Variants in CLSTN1 observed in about 807,000 individuals in gnomAD.
The protein encoded by CLSTN1 is calsyntenin 1.
CLSTN1 carries 28 observed loss-of-function variants against 108.3 expected under a neutral mutation model. That is an observed-to-expected ratio of 0.26 (90% confidence interval 0.19 to 0.35). The LOEUF (loss-of-function observed/expected upper bound fraction) is 0.35. Among genes scored for constraint, CLSTN1 ranks in the 10% least tolerant of loss-of-function variants. The pLI is 1.00. For synonymous variants in CLSTN1, 524 were observed against 534.9 expected (o/e 0.98, Z 0.28); for missense variants, 1,157 against 1,302.6 (o/e 0.89, Z 1.72).
chr1:9,793,595 A>C (rs1409410403), intron 1 of CLSTN1, among the ~76,000 whole-genome samples: 1 of 151,516 alleles, frequency 6.6e-6, no homozygotes, highest in Admixed American at 6.7e-5. Context: ...CTTTCTTGTA[A>C]GCAAAGAAGG....
At chr1:9,767,191 G>A (rs1248925967) in intron 2 of CLSTN1, among the ~76,000 whole-genome samples, 1 of 152,210 alleles carries the variant, frequency 6.6e-6, no homozygotes, top group Non-Finnish European at 1.5e-5. Context: ...TGGCAGACAC[G>A]CTGAGCCTGG....
intron 10 of CLSTN1, among the ~76,000 whole-genome samples, chr1:9,739,739 C>T (rs933244309): frequency 3.9e-5 from 6 of 151,910 alleles, no homozygotes; most frequent in Admixed American, 3.9e-4. Context: ...GAGTGTGGGC[C>T]CAGAATACAC....
chr1:9,786,662 A>AAC (rs1653505395), intron 1 of CLSTN1, among the ~76,000 whole-genome samples: 1 of 150,302 alleles, frequency 6.7e-6, no homozygotes, highest in African/African-American at 2.4e-5. Context: ...AAAAAAAAAA[A>AAC]AAAAAAAAAA....
intron 1 of CLSTN1, among the ~76,000 whole-genome samples, chr1:9,796,853 A>G (rs1369740960): frequency 6.6e-6 from 1 of 152,186 alleles, no homozygotes. Context: ...ATTTGAAAAT[A>G]ACACGAAGCC....
At position 9,787,402 on chromosome 1, in the gene CLSTN1, A is replaced by ATTTTT. The variant is rs70998310; in HGVS notation, c.92-14013_92-14009dup. ...TTGAAAGCTTAAAGTGAGCCTTCTA[A>ATTTTT]TTTTTTTTTTTTTTTTTTTGAGACG... is the stretch of plus-strand genomic sequence containing the variant. On this transcript the variant is annotated intron_variant, in intron 1 of 18. Coordinates refer to ENST00000377298, the MANE Select transcript of CLSTN1 (RefSeq NM_001009566.3). Among the ~76,000 whole-genome samples, 317 of 136,574 alleles carry ATTTTT rather than the reference A, an allele frequency of 2.3e-3. 9 individuals carry two copies. The East Asian group carries it at 0.029, about 12-fold the overall frequency. The allele number at this position is 136,574 out of a possible 152,430, so 89.6% of individuals were successfully genotyped here. A position where few individuals can be genotyped will look rare whatever the true frequency, so the allele number is the denominator to read the frequency against.
rs17516348 is a variant in CLSTN1 at position 9,734,937 on chromosome 1, G to A, written c.2110+11C>T. On this transcript the variant is annotated intron_variant, in intron 14 of 18. Transcript: ENST00000377298. This position sits in a 1 kb window ranked among gnomAD's most constrained non-coding sequence, Gnocchi z 4.8. ...GAGGCGAGGGAGCCCGCGCCCCACAGAGCACATTACCTGTGGGGTCCTCAG... is the reference window on the plus strand; with the variant it reads ...GAGGCGAGGGAGCCCGCGCCCCACAAAGCACATTACCTGTGGGGTCCTCAG... The A allele has an allele frequency of 6.2e-7, 1 of 1,612,082 alleles. No homozygotes were observed. The highest frequency in any genetic ancestry group is 1.1e-5 in the South Asian group (1 of 91,014).
In CLSTN1 at chr1:9,780,954, A is replaced by C. The variant is rs189848001; in HGVS notation, c.92-7560T>G. On this transcript the variant is annotated intron_variant, in intron 1 of 18. Coordinates refer to ENST00000377298, the MANE Select transcript of CLSTN1 (RefSeq NM_001009566.3). ...ACCTGCATCTTGACTTTGATCCATC[A>C]CATGAGGTGTGGAATTTTCCACTGT... The C allele has an allele frequency of 3.6e-4, 159 of 441,706 alleles. 1 individual carries two copies. The highest frequency in any genetic ancestry group is 2.7e-3 in the African/African-American group (132 of 48,630). 27.4% of individuals were successfully genotyped at this position (441,706 alleles called of 1,614,324 possible).
At chr1:9,787,831 A>C (rs1653566536) in intron 1 of CLSTN1, among the ~76,000 whole-genome samples, 1 of 151,406 alleles carries the variant, frequency 6.6e-6, no homozygotes, top group African/African-American at 2.4e-5. Flanking sequence ...CGTCACCACC[A>C]CTACCCGTCT....
chr1:9,755,411 C>T (rs1321354184), intron 3 of CLSTN1, 102 bp from the exon 4 acceptor site: 7 of 1,025,966 alleles, frequency 6.8e-6, no homozygotes, highest in Non-Finnish European at 1.0e-5. Context: ...TAAATGACAA[C>T]AATTTGGCAG....
At chr1:9,757,387 G>A (rs1033229296) in intron 2 of CLSTN1, among the ~76,000 whole-genome samples, 12 of 150,848 alleles carry the variant, frequency 8.0e-5, no homozygotes, top group South Asian at 2.1e-4. Flanking sequence ...GACTACAGGC[G>A]CCCGCCACCA....
At position 9,755,316 on chromosome 1, in the gene CLSTN1, A is replaced by T; in HGVS notation, c.245-7T>A. The stretch of plus-strand genomic sequence containing the variant: ...TTAAATCCACAAATCTCACCTAGGG[A>T]GTCAAAGCAGAACAGGTAAGAATTC... On this transcript the variant is annotated splice_polypyrimidine_tract_variant and splice_region_variant and intron_variant, in intron 3 of 18. Transcript: ENST00000377298. The T allele has an allele frequency of 1.2e-6, 2 of 1,604,474 alleles. No individual in the cohort carries two copies. The highest frequency in any genetic ancestry group is 1.7e-6 in the Non-Finnish European group (2 of 1,172,784).
chr1:9,789,446 A>C (rs971065432), intron 1 of CLSTN1, among the ~76,000 whole-genome samples: 2 of 151,498 alleles, frequency 1.3e-5, no homozygotes, highest in African/African-American at 4.8e-5. Context: ...AATTGATAAG[A>C]TACCAAAGTA....
chr1:9,731,461 G>A (rs949316435), intron 17 of CLSTN1, 71 bp from the exon 18 acceptor site: 13 of 1,489,798 alleles, frequency 8.7e-6, no homozygotes, highest in Admixed American at 5.4e-5. Flanking sequence ...TGACCTCCTC[G>A]GCTGTGCCTG....
chr1:9,812,774 G>A (rs1654813071), intron 1 of CLSTN1, among the ~76,000 whole-genome samples: 1 of 151,642 alleles, frequency 6.6e-6, no homozygotes, highest in Non-Finnish European at 1.5e-5. Context: ...CTTGAACCCA[G>A]GAGGTGGAGG....
intron 13 of CLSTN1, 82 bp downstream of exon 13, chr1:9,735,385 G>C: frequency 6.4e-7 from 1 of 1,570,126 alleles, no homozygotes; most frequent in Non-Finnish European, 8.7e-7. Context: ...TTTCCTTACA[G>C]AAGGGGTTAG....
intron 1 of CLSTN1, among the ~76,000 whole-genome samples, chr1:9,811,177 T>G (rs1263951587): frequency 6.6e-6 from 1 of 152,210 alleles, no homozygotes; most frequent in Non-Finnish European, 1.5e-5. Flanking sequence ...GTCGTAGTTG[T>G]TATTAAAGTC....
intron 2 of CLSTN1, among the ~76,000 whole-genome samples, chr1:9,762,182 C>T (rs1652106526): frequency 6.6e-6 from 1 of 152,142 alleles, no homozygotes; most frequent in African/African-American, 2.4e-5. Flanking sequence ...AGAAAATGGG[C>T]CGGGTGTGGT....
chr1:9,740,345 A>T (rs1187593963), intron 10 of CLSTN1, among the ~76,000 whole-genome samples: 2 of 152,084 alleles, frequency 1.3e-5, no homozygotes, highest in Non-Finnish European at 2.9e-5. Flanking sequence ...TAGGTGTGAG[A>T]CACCGCGCCT....
intron 1 of CLSTN1, among the ~76,000 whole-genome samples, chr1:9,786,670 A>C (rs1290005813): frequency 1.3e-5 from 2 of 150,040 alleles, no homozygotes; most frequent in East Asian, 2.0e-4. Context: ...AAAAAAAAAA[A>C]AAACAAAGGT....
Sources: gnomAD v4.1 joint callset for allele counts (sites outside exome capture counted in the v4.1 genomes callset) on GRCh38, gnomAD v4.1.1 for gene constraint, Gnocchi (gnomAD v3.1) non-coding constraint, MANE v1.5 for transcripts, NCBI Gene and HGNC (gene_info 2026-07-23, HGNC 2026-07-21) for gene names.